Variants in DTNBP1 observed in about 807,000 individuals in gnomAD.
DTNBP1 encodes dysbindin.
A neutral mutation model predicts 42.8 loss-of-function variants in DTNBP1; 35 were observed. That is an observed-to-expected ratio of 0.82 (90% CI 0.63 to 1.09). The LOEUF (loss-of-function observed/expected upper bound fraction) is 1.09. DTNBP1 is among the 50% of genes least tolerant of loss of function. The probability of loss-of-function intolerance (pLI) is 0.00; values close to 1 mark genes in which losing one functional copy is unlikely to be tolerated. For synonymous variants in DTNBP1, 171 were observed against 162.2 expected (o/e 1.05, Z -0.41); for missense variants, 457 against 424.2 (o/e 1.08, Z -0.68).
chr6:15,536,362 G>A (rs959605492), intron 7 of DTNBP1, among the ~76,000 whole-genome samples: 1 of 152,206 alleles, frequency 6.6e-6, no homozygotes, highest in African/African-American at 2.4e-5. Flanking sequence ...TAGTTTTGTG[G>A]GCCAGGCCCA....
chr6:15,530,035 T>C (rs1005617794), intron 8 of DTNBP1, among the ~76,000 whole-genome samples: 15 of 152,270 alleles, frequency 9.9e-5, no homozygotes, highest in Admixed American at 9.2e-4. Context: ...CCTCTGATGA[T>C]TCTCTGGATA....
At chr6:15,565,689 G>A (rs1775040071) in intron 7 of DTNBP1, among the ~76,000 whole-genome samples, 1 of 152,178 alleles carries the variant, frequency 6.6e-6, no homozygotes, top group Non-Finnish European at 1.5e-5. Flanking sequence ...GTTGGGAGCT[G>A]GGATTGACTG....
intron 7 of DTNBP1, among the ~76,000 whole-genome samples, chr6:15,558,816 A>G (rs1343587082): frequency 1.3e-5 from 2 of 152,148 alleles, no homozygotes; most frequent in Admixed American, 1.3e-4. Context: ...TACAGTTTTT[A>G]TTAGGTTGAT....
chr6:15,553,160 C>G (rs1001349591), intron 7 of DTNBP1, among the ~76,000 whole-genome samples: 1 of 152,090 alleles, frequency 6.6e-6, no homozygotes, highest in Non-Finnish European at 1.5e-5. Context: ...GTCAGGAATA[C>G]TGCCCTGTTA....
chr6:15,523,533 A>G (rs1220553961), intron 9 of DTNBP1: 1 of 1,270,792 alleles, frequency 7.9e-7, no homozygotes, highest in Non-Finnish European at 1.0e-6. Context: ...TTTGAGGAGC[A>G]GTCCTTGTAA....
At chr6:15,549,617 C>A (rs143133528) in intron 7 of DTNBP1, among the ~76,000 whole-genome samples, 4 of 152,108 alleles carry the variant, frequency 2.6e-5, no homozygotes, top group Non-Finnish European at 5.9e-5. Flanking sequence ...GCCCTCCTAG[C>A]CACCTCTGGC....
chr6:15,525,286 C>T (rs115018646), intron 8 of DTNBP1, among the ~76,000 whole-genome samples: 351 of 152,338 alleles, frequency 2.3e-3, no homozygotes, highest in African/African-American at 8.0e-3. Context: ...GCACTGAGCA[C>T]GGGATGCCCC....
At chr6:15,578,217 G>A (rs1775667003) in intron 7 of DTNBP1, among the ~76,000 whole-genome samples, 1 of 152,234 alleles carries the variant, frequency 6.6e-6, no homozygotes, top group African/African-American at 2.4e-5. Flanking sequence ...GGAGGAGGGG[G>A]TGTTAGTGCA....
intron 3 of DTNBP1, among the ~76,000 whole-genome samples, chr6:15,640,172 C>T (rs1760261588): frequency 6.6e-6 from 1 of 152,192 alleles, no homozygotes; most frequent in South Asian, 2.1e-4. Flanking sequence ...TATCCAACCT[C>T]GCATGGGCCT....
chr6:15,561,712 T>C lies in DTNBP1; in HGVS notation c.512-28317A>G, dbSNP rs180770338. 2.0e-5 allele frequency among the ~76,000 whole-genome samples: 3 copies of C among 152,342 alleles called. No individual in the cohort carries two copies. The East Asian group carries it at 5.8e-4, about 29-fold the overall frequency. On this transcript the variant is annotated intron_variant, in intron 7 of 9. Transcript: ENST00000344537. The stretch of plus-strand genomic sequence containing the variant: ...TGAATAGGGGCTGGGTAAAATGACC[T>C]GCTGGGCTGAATTCTCAGGAGGTTA...
chr6:15,530,532 G>T (rs1772746987), intron 8 of DTNBP1, among the ~76,000 whole-genome samples: 1 of 152,180 alleles, frequency 6.6e-6, no homozygotes, highest in Non-Finnish European at 1.5e-5. Context: ...TGCTAGACGC[G>T]TTCTCTCTGC....
intron 7 of DTNBP1, among the ~76,000 whole-genome samples, chr6:15,574,455 C>T (rs1028386229): frequency 6.6e-6 from 1 of 152,310 alleles, no homozygotes; most frequent in East Asian, 1.9e-4. Flanking sequence ...CACTATCACA[C>T]GAGGGAGCTG....
At chr6:15,530,292 G>C (rs757636826) in intron 8 of DTNBP1, among the ~76,000 whole-genome samples, 5 of 152,174 alleles carry the variant, frequency 3.3e-5, no homozygotes, top group Non-Finnish European at 5.9e-5. Context: ...TGAGATGCCC[G>C]ATTCCCGTGT....
At chr6:15,627,527 A>G in intron 4 of DTNBP1, 52 bp from the exon 5 acceptor site, 1 of 1,610,950 alleles carries the variant, frequency 6.2e-7, no homozygotes, top group Non-Finnish European at 8.5e-7. Flanking sequence ...AGGCACAAAG[A>G]AAGTACAGTT....
In DTNBP1 at chr6:15,587,078, C is replaced by A. The variant is rs1776109429; in HGVS notation, c.511+5981G>T. 6.6e-6 allele frequency among the ~76,000 whole-genome samples: 1 copy of A among 152,200 alleles called. No individual in the cohort carries two copies. The highest frequency in any genetic ancestry group is 2.4e-5 in the African/African-American group (1 of 41,444). ...GGCTACTCTCAAATCTAGCTCAGAT[C>A]CTTCTCCTGAGGTTCAACAGCCCAT... On this transcript the variant is annotated intron_variant, in intron 7 of 9. Transcript: ENST00000344537. This position sits in a 1 kb window ranked among gnomAD's most constrained non-coding sequence, Gnocchi z 4.1.
At chr6:15,555,044 A>T (rs1774433000) in intron 7 of DTNBP1, among the ~76,000 whole-genome samples, 1 of 151,704 alleles carries the variant, frequency 6.6e-6, no homozygotes, top group South Asian at 2.1e-4. Flanking sequence ...GGAGGGGGGC[A>T]TATGAGAGGC....
At position 15,651,241 on chromosome 6, in the gene DTNBP1, C is replaced by T. The variant is rs1044529785; in HGVS notation, c.161+72G>A. On this transcript the variant is annotated intron_variant, in intron 3 of 9. Transcript: ENST00000344537. ...TAGCTGTTTTAAGGCTTTTAACCTA[C>T]AAAATTAAAAGATATTTTTGGTCAG... The T allele has an allele frequency of 2.1e-6, 3 of 1,417,018 alleles. No individual in the cohort carries two copies. The South Asian group carries it at 3.5e-5, about 17-fold the overall frequency. 87.8% of individuals were successfully genotyped at this position (1,417,018 alleles called of 1,614,324 possible).
At chr6:15,569,353 A>ACCCCCCCC (rs11332178) in intron 7 of DTNBP1, among the ~76,000 whole-genome samples, 4 of 127,172 alleles carry the variant, frequency 3.1e-5, no homozygotes, top group Admixed American at 8.4e-5. Context: ...GCCAGTTAAG[A>ACCCCCCCC]CCCCCCCCCG....
At chr6:15,535,440 C>T (rs1773168322) in intron 7 of DTNBP1, among the ~76,000 whole-genome samples, 1 of 151,570 alleles carries the variant, frequency 6.6e-6, no homozygotes, top group African/African-American at 2.4e-5. Context: ...CCTCAGCCTC[C>T]CAAGTAGCTG....
Sources: allele counts gnomAD v4.1 joint callset (sites outside exome capture counted in the v4.1 genomes callset), GRCh38; gene constraint gnomAD v4.1.1; non-coding constraint Gnocchi (gnomAD v3.1); transcripts MANE v1.5; gene names NCBI Gene and HGNC (gene_info 2026-07-23, HGNC 2026-07-21).